The following MAST4 variants were observed in gnomAD, a reference collection of about 807,000 sequenced individuals.
MAST4 encodes microtubule associated serine/threonine kinase family member 4, also known as microtubule-associated serine/threonine-protein kinase 4.
In MAST4, 89 loss-of-function variants were observed where a neutral mutation model predicts 162.7. That is an observed-to-expected ratio of 0.55 (90% CI 0.46 to 0.65). MAST4 has a LOEUF of 0.65. Among genes scored for constraint, MAST4 ranks in the 30% least tolerant of loss-of-function variants. The probability of loss-of-function intolerance (pLI) is 0.00; values close to 1 mark genes in which losing one functional copy is unlikely to be tolerated. For synonymous variants in MAST4, 1,479 were observed against 1,361.1 expected (o/e 1.09, Z -1.91); for missense variants, 3,153 against 3,374.0 (o/e 0.93, Z 1.62).
At position 67,163,885 on chromosome 5, in the gene MAST4, T is replaced by G. The variant is rs1312196916; in HGVS notation, c.4706T>G (p.Leu1569Arg). The G allele has an allele frequency of 1.2e-6, 2 of 1,613,846 alleles. No homozygotes were observed. The highest frequency in any genetic ancestry group is 2.2e-5 in the East Asian group (1 of 44,872). Residue 1569 changes from leucine (L) to arginine (R), a missense_variant, in exon 29 of 29, where the codon CTG becomes CGG. Physicochemically the swap from Leu to Arg is moderately radical, Grantham distance 102. This residue lies in a region of MAST4 where 1,644 missense variants were observed against 1,495.0 expected (regional missense o/e 1.10). Transcript: ENST00000403625. The surrounding 1 kb of genome is among the most constrained non-coding windows in gnomAD (Gnocchi z 7.0). ...TTGGAAAACTTTGCTCTGTTTAAGC[T>G]GGAAGAGAGAGAGAAGAAAGTCTAT... ...SDLENFALFK[L>R]EEREKKVYPK...
At chr5:67,158,566 A>G (rs1371791072) in intron 26 of MAST4, among the ~76,000 whole-genome samples, 1 of 152,016 alleles carries the variant, frequency 6.6e-6, no homozygotes, top group Non-Finnish European at 1.5e-5. Context: ...GGAAGACCCC[A>G]TCTCAAAAAA....
intron 1 of MAST4, among the ~76,000 whole-genome samples, chr5:66,727,340 C>G (rs1343296515): frequency 6.6e-6 from 1 of 152,110 alleles, no homozygotes; most frequent in Non-Finnish European, 1.5e-5. Flanking sequence ...TATTCTATTT[C>G]AGTTTCTGCA....
intron 1 of MAST4, among the ~76,000 whole-genome samples, chr5:66,690,621 C>T (rs1458912910): frequency 4.6e-5 from 7 of 152,180 alleles, no homozygotes; most frequent in Non-Finnish European, 8.8e-5. Context: ...CAATTTTAGC[C>T]TTTCTTCAGA....
At chr5:66,794,005 C>A (rs1027644925) in intron 3 of MAST4, among the ~76,000 whole-genome samples, 1 of 152,176 alleles carries the variant, frequency 6.6e-6, no homozygotes. Flanking sequence ...GTAGGGTGCT[C>A]AGTGAACTTG....
chr5:66,685,082 C>T (rs549776427), intron 1 of MAST4, among the ~76,000 whole-genome samples: 14 of 152,006 alleles, frequency 9.2e-5, no homozygotes, highest in Middle Eastern at 3.4e-3. Context: ...GGCAACATGG[C>T]GAAACTCTGT....
At chr5:66,958,700 A>G (rs1452962058) in intron 4 of MAST4, among the ~76,000 whole-genome samples, 1 of 152,158 alleles carries the variant, frequency 6.6e-6, no homozygotes, top group Non-Finnish European at 1.5e-5. Flanking sequence ...ATGTGGCACT[A>G]TTCCTCATTT....
intron 4 of MAST4, among the ~76,000 whole-genome samples, chr5:66,914,161 T>C (rs2150023920): frequency 6.6e-6 from 1 of 152,274 alleles, no homozygotes; most frequent in South Asian, 2.1e-4. Flanking sequence ...CCTGTTGATA[T>C]TTTTATTGAA....
intron 1 of MAST4, among the ~76,000 whole-genome samples, chr5:66,751,054 A>C (rs1006142137): frequency 7.2e-5 from 11 of 152,022 alleles, no homozygotes; most frequent in African/African-American, 9.7e-5. Flanking sequence ...CTCACACGGC[A>C]GGGTATTCGA....
chr5:66,907,184 A>G lies in MAST4; in HGVS notation c.674+7202A>G, dbSNP rs540001109. Among the ~76,000 whole-genome samples, 3 of 148,218 alleles carry G rather than the reference A, an allele frequency of 2.0e-5. No homozygotes were observed. The South Asian group carries it at 6.6e-4, about 33-fold the overall frequency. Reference sequence around the variant, plus strand: ...GAGAGAGAGAGAGAGAGAGAGAGAGAGAGAGAGAGAGAGAGAGAGAGAGTC... The same window carrying G: ...GAGAGAGAGAGAGAGAGAGAGAGAGGGAGAGAGAGAGAGAGAGAGAGAGTC... On this transcript the variant is annotated intron_variant, in intron 4 of 28. Coordinates refer to ENST00000403625, the MANE Select transcript of MAST4 (RefSeq NM_001164664.2).
At chr5:66,985,440 T>A (rs1749369286) in intron 4 of MAST4, among the ~76,000 whole-genome samples, 3 of 152,192 alleles carry the variant, frequency 2.0e-5, no homozygotes, top group Admixed American at 1.3e-4. Flanking sequence ...ATTTTCCTGC[T>A]GGGCAAATTG....
chr5:66,825,513 A>T (rs1213158711), intron 3 of MAST4, among the ~76,000 whole-genome samples: 1 of 152,206 alleles, frequency 6.6e-6, no homozygotes, highest in African/African-American at 2.4e-5. Context: ...TGTACCAAAC[A>T]TCACCATGGA....
chr5:66,922,614 C>G (rs1242682179), intron 4 of MAST4, among the ~76,000 whole-genome samples: 1 of 152,110 alleles, frequency 6.6e-6, no homozygotes, highest in Non-Finnish European at 1.5e-5. Context: ...AAAATACTGT[C>G]TCTTCTAGTA....
rs1244260027 is a variant in MAST4, at chr5:66,778,222, T to G, written c.518-10448T>G. 2.0e-5 allele frequency among the ~76,000 whole-genome samples: 3 copies of G among 152,098 alleles called. No individual in the cohort carries two copies. The East Asian group carries it at 5.8e-4, about 29-fold the overall frequency. On this transcript the variant is annotated intron_variant, in intron 2 of 28. Transcript: ENST00000403625. ...TAAAAATCAATTTTAAGTTGTCACATTAGTCTTTGGTCTCTGCAACTGGAG... is the reference window on the plus strand; with the variant it reads ...TAAAAATCAATTTTAAGTTGTCACAGTAGTCTTTGGTCTCTGCAACTGGAG...
intron 4 of MAST4, among the ~76,000 whole-genome samples, chr5:66,970,489 G>A (rs906095909): frequency 6.6e-6 from 1 of 152,196 alleles, no homozygotes; most frequent in East Asian, 1.9e-4. Flanking sequence ...GGTCCGTGGG[G>A]TCTTGGCACA....
rs373069627 is a variant in MAST4 at position 67,164,632 on chromosome 5, C to G, written c.5453C>G (p.Thr1818Arg). The G allele has an allele frequency of 5.0e-6, 8 of 1,613,890 alleles. No homozygotes were observed. Among genetic ancestry groups the G allele is most frequent in the Non-Finnish European group, 5.9e-6 (7 of 1,179,904 alleles). Reference sequence around the variant, plus strand: ...CTGTCCGGACCTCAGGCCTCCAAGACAGAACTGCCTTCCCCAGAGTCTGCA... The same window carrying G: ...CTGTCCGGACCTCAGGCCTCCAAGAGAGAACTGCCTTCCCCAGAGTCTGCA... ...ALLSGPQASK[T>R]ELPSPESAQS... Residue 1818 changes from threonine to arginine, a missense_variant, in exon 29 of 29, where the codon ACA becomes AGA. Physicochemically the swap from Thr to Arg is moderately conservative, Grantham distance 71. This residue lies in a region of MAST4 where 1,644 missense variants were observed against 1,495.0 expected (regional missense o/e 1.10). Coordinates refer to ENST00000403625, the MANE Select transcript of MAST4 (RefSeq NM_001164664.2). This position sits in a 1 kb window ranked among gnomAD's most constrained non-coding sequence, Gnocchi z 5.3.
intron 1 of MAST4, among the ~76,000 whole-genome samples, chr5:66,647,451 T>A (rs906955405): frequency 3.3e-5 from 5 of 151,806 alleles, no homozygotes; most frequent in Non-Finnish European, 5.9e-5. Context: ...GGGTATTGAA[T>A]AAAAAATCAA....
At chr5:66,679,577 AC>A (rs1580176861) in intron 1 of MAST4, among the ~76,000 whole-genome samples, 2 of 151,942 alleles carry the variant, frequency 1.3e-5, no homozygotes, top group East Asian at 3.9e-4. Context: ...GTATACTCTC[AC>A]CTCTCTTGCT....
At chr5:66,921,378 C>T (rs1277002187) in intron 4 of MAST4, among the ~76,000 whole-genome samples, 1 of 152,152 alleles carries the variant, frequency 6.6e-6, no homozygotes, top group Non-Finnish European at 1.5e-5. Context: ...AGCCCACCTT[C>T]GTCCAGAGGC....
chr5:66,795,154 A>C (rs1367255814), intron 3 of MAST4, among the ~76,000 whole-genome samples: 1 of 152,206 alleles, frequency 6.6e-6, no homozygotes, highest in East Asian at 1.9e-4. Context: ...TTAAATATTG[A>C]TGTAGGAACA....
Sources: allele counts gnomAD v4.1 joint callset (sites outside exome capture counted in the v4.1 genomes callset), GRCh38; gene constraint gnomAD v4.1.1; regional missense constraint gnomAD v4.1.1; non-coding constraint Gnocchi (gnomAD v3.1); transcripts MANE v1.5; gene names NCBI Gene and HGNC (gene_info 2026-07-23, HGNC 2026-07-21).